SYMPK: variants seen among roughly 807,000 people sequenced by gnomAD.
SYMPK encodes the protein symplekin scaffold protein.
SYMPK carries 49 observed loss-of-function variants against 136.4 expected under a neutral mutation model. That is an observed-to-expected ratio of 0.36 (90% CI 0.29 to 0.46). The LOEUF (loss-of-function observed/expected upper bound fraction) is 0.46, where lower values mean the gene tolerates loss of function less well. Among genes scored for constraint, SYMPK ranks in the 20% least tolerant of loss-of-function variants. The pLI is 1.00. For synonymous variants in SYMPK, 766 were observed against 713.0 expected (o/e 1.07, Z -1.19); for missense variants, 1,365 against 1,690.0 (o/e 0.81, Z 3.37).
At chr19:45,819,753 A>G (rs1158813384) in intron 22 of SYMPK, 1 of 152,508 alleles carries the variant, frequency 6.6e-6, no homozygotes, top group Non-Finnish European at 1.5e-5. Flanking sequence ...GACTACCAGG[A>G]GTGGGTCTAG....
At position 45,848,962 on chromosome 19, in the gene SYMPK, T is replaced by C. The variant is rs950698189; in HGVS notation, c.300-86A>G. ...CCTGAGGTCCAGGAGGGAAGGGAAATCAGGGACCTGTCTCAGGGGACCGGA... is the reference window on the plus strand; with the variant it reads ...CCTGAGGTCCAGGAGGGAAGGGAAACCAGGGACCTGTCTCAGGGGACCGGA... On this transcript the variant is annotated intron_variant, in intron 5 of 26. Transcript: ENST00000245934. 2.0e-5 allele frequency: 31 copies of C among 1,524,658 alleles called. No individual in the cohort carries two copies. In the African/African-American group the frequency reaches 3.3e-4, roughly 16 times the overall value. The allele number at this position is 1,524,658 out of a possible 1,614,324, so 94.4% of individuals were successfully genotyped here. A position where few individuals can be genotyped will look rare whatever the true frequency, so the allele number is the denominator to read the frequency against.
Position 45,828,138 on chromosome 19 carries a change from C to T in SYMPK, c.1986-220G>A, listed in dbSNP as rs562263748. The T allele has an allele frequency of 3.1e-5, 16 of 521,126 alleles. No individual in the cohort carries two copies. The East Asian group carries it at 3.4e-4, about 11-fold the overall frequency. 32.3% of individuals were successfully genotyped at this position (521,126 alleles called of 1,614,324 possible). On this transcript the variant is annotated intron_variant, in intron 14 of 26. Transcript: ENST00000245934. The stretch of plus-strand genomic sequence containing the variant: ...GCACCTCTCTGAAACTCATTTCTTC[C>T]GTTTGTCAAACAGGGATTCCTAACT...
At chr19:45,829,767 C>T (rs750920089) in intron 13 of SYMPK, among the ~76,000 whole-genome samples, 2 of 152,188 alleles carry the variant, frequency 1.3e-5, no homozygotes, top group African/African-American at 2.4e-5. Flanking sequence ...CGTGAAGAAC[C>T]AAGACCACAA....
At chr19:45,824,972 C>T (rs1971003925) in intron 18 of SYMPK, among the ~76,000 whole-genome samples, 199 bp downstream of exon 18, 1 of 152,232 alleles carries the variant, frequency 6.6e-6, no homozygotes. Flanking sequence ...CAGCTCCAGG[C>T]TCCTAACTGC....
At chr19:45,854,560 G>A (rs889767276) in intron 1 of SYMPK, 53 bp from the exon 2 acceptor site, 1 of 1,479,802 alleles carries the variant, frequency 6.8e-7, no homozygotes, top group Non-Finnish European at 9.3e-7. Flanking sequence ...CAGCGGATGG[G>A]CTGGGCTGGA....
chr19:45,817,621 A>C (rs1292880839), intron 23 of SYMPK, among the ~76,000 whole-genome samples: 1 of 151,438 alleles, frequency 6.6e-6, no homozygotes, highest in Non-Finnish European at 1.5e-5. Flanking sequence ...CTAAAGCCCA[A>C]ATTTCTAGCA....
chr19:45,831,312 C>G (rs917138483), intron 12 of SYMPK, 72 bp downstream of exon 12: 1 of 1,303,948 alleles, frequency 7.7e-7, no homozygotes, highest in African/African-American at 1.5e-5. Flanking sequence ...CACACGCACA[C>G]GCACACGAGC....
chr19:45,843,165 T>G (rs78918879), intron 8 of SYMPK: 2 of 152,022 alleles, frequency 1.3e-5, no homozygotes, highest in Non-Finnish European at 2.9e-5. Flanking sequence ...GCTGGAATGG[T>G]TGGGAAGGAG....
intron 25 of SYMPK, 57 bp from the exon 26 acceptor site, chr19:45,816,240 G>A (rs1970734253): frequency 7.9e-7 from 1 of 1,270,894 alleles, no homozygotes; most frequent in Non-Finnish European, 1.1e-6. Flanking sequence ...GAGGACGGCC[G>A]GAAAGAGAAG....
At chr19:45,828,636 T>G (rs1600501946) in intron 14 of SYMPK, 2 of 325,178 alleles carry the variant, frequency 6.2e-6, no homozygotes, top group Admixed American at 4.5e-5. Flanking sequence ...GTGAATGGGG[T>G]GTAGAGAAGT....
In SYMPK at chr19:45,815,851, C is replaced by G. The variant is rs749967496; in HGVS notation, c.3687G>C (p.Lys1229Asn). ...LDSSLEGPLPKETAAGGLTLK... is the reference protein window; with the variant it reads ...LDSSLEGPLPNETAAGGLTLK... ...TCGCAGCGGAGGCTGCTCTCCCTAC[C>G]TTGGGTAGGGGGCCCTCGAGACTAG... Residue 1229 changes from lysine (K) to asparagine (N), a missense_variant and splice_region_variant, in exon 26 of 27, where the codon AAG (lysine) becomes AAC (asparagine). This residue lies in a region of SYMPK where 341 missense variants were observed against 270.5 expected (regional missense o/e 1.26). Coordinates refer to ENST00000245934, the MANE Select transcript of SYMPK (RefSeq NM_004819.3). 7 of 1,611,530 alleles carry G rather than the reference C, an allele frequency of 4.3e-6. No individual in the cohort carries two copies. Among genetic ancestry groups the G allele is most frequent in the Non-Finnish European group, 5.9e-6 (7 of 1,179,530 alleles).
chr19:45,817,880 C>T, intron 23 of SYMPK, 79 bp downstream of exon 23: 1 of 1,420,122 alleles, frequency 7.0e-7, no homozygotes, highest in Non-Finnish European at 9.4e-7. Context: ...CCTCCGGGGT[C>T]AGACGGGGGA....
intron 1 of SYMPK, chr19:45,854,879 CTTT>C (rs35065812): frequency 1.1e-3 from 165 of 155,166 alleles, no homozygotes; most frequent in South Asian, 3.4e-3. Flanking sequence ...AGCAAACTTT[CTTT>C]TTTTTTTTTT....
intron 14 of SYMPK, 147 bp downstream of exon 14, chr19:45,828,823 G>A (rs143827601): frequency 1.5e-5 from 11 of 732,216 alleles, no homozygotes; most frequent in Non-Finnish European, 2.5e-5. Context: ...CCTCCAGAGG[G>A]GGAGGAGGAG....
chr19:45,828,619 T>A (rs1971100373), intron 14 of SYMPK: 3 of 280,260 alleles, frequency 1.1e-5, no homozygotes, highest in Non-Finnish European at 2.0e-5. Context: ...CAGAACCAAC[T>A]CAGGTAGTGA....
rs574952324 is a variant in SYMPK at position 45,854,061 on chromosome 19, C to T, written c.171+114G>A. 2.8e-5 allele frequency: 28 copies of T among 1,002,750 alleles called. No individual in the cohort carries two copies. In the Admixed American group the frequency reaches 3.1e-4, roughly 11 times the overall value. 62.1% of individuals were successfully genotyped at this position (1,002,750 alleles called of 1,614,324 possible). On this transcript the variant is annotated intron_variant, in intron 3 of 26. Coordinates refer to ENST00000245934, the MANE Select transcript of SYMPK (RefSeq NM_004819.3). Reference sequence around the variant, plus strand: ...AGAGGCCTGCACTGAGCACTGTGGCCGGCACACACTGAGTGTGTAAATGTG... The same window carrying T: ...AGAGGCCTGCACTGAGCACTGTGGCTGGCACACACTGAGTGTGTAAATGTG...
intron 1 of SYMPK, among the ~76,000 whole-genome samples, chr19:45,856,532 A>G (rs1971827024): frequency 6.6e-6 from 1 of 152,192 alleles, no homozygotes; most frequent in African/African-American, 2.4e-5. Context: ...GGATAGTAAC[A>G]GGGCTTACCT....
Position 45,818,060 on chromosome 19 carries a change from G to C in SYMPK, c.2980C>G (p.Leu994Val). The change falls in exon 23 of 27, where the codon CTG becomes GTG. Residue 994 changes from leucine (L) to valine (V), a missense_variant. Leu to Val is a conservative substitution (Grantham distance 32). Around this residue, in one of 11 missense-constraint regions of SYMPK, gnomAD observed 156 missense variants for 217.8 expected, o/e 0.72. Transcript: ENST00000245934. ...ACGGTCCTCATGAGCAGCATGGGCA[G>C]GGGGCTCTGCTCCATCAGCTGCTGC... ...VMQQLMEQSP[L>V]PMLLMRTVIQ... The C allele has an allele frequency of 6.4e-7, 1 of 1,565,934 alleles. No homozygotes were observed. Among genetic ancestry groups the C allele is most frequent in the South Asian group, 1.2e-5 (1 of 85,136 alleles).
In SYMPK at chr19:45,844,812, T is replaced by C. The variant is rs560490175; in HGVS notation, c.677-612A>G. Among the ~76,000 whole-genome samples the C allele has an allele frequency of 4.6e-5, 7 of 152,324 alleles. No homozygotes were observed. In the South Asian group the frequency reaches 1.4e-3, roughly 32 times the overall value. ...CCCTCAATACAGTCCCCAAAATTAA[T>C]GCTTAAAACTTTGGTGGATATCTTT... is the stretch of plus-strand genomic sequence containing the variant. On this transcript the variant is annotated intron_variant, in intron 7 of 26. Transcript: ENST00000245934.
Sources: gnomAD v4.1 joint callset for allele counts (sites outside exome capture counted in the v4.1 genomes callset) on GRCh38, gnomAD v4.1.1 for gene constraint, gnomAD v4.1.1 regional missense constraint, MANE v1.5 for transcripts, NCBI Gene and HGNC (gene_info 2026-07-23, HGNC 2026-07-21) for gene names.